The following ERGIC1 variants were observed in gnomAD, a reference collection of about 807,000 sequenced individuals.
ERGIC1 encodes the protein endoplasmic reticulum-golgi intermediate compartment 1, also known as endoplasmic reticulum-Golgi intermediate compartment protein 1.
In ERGIC1, 19 loss-of-function variants were observed where a neutral mutation model predicts 38.3. The observed-to-expected ratio is 0.50, with a 90% confidence interval of 0.35 to 0.73. The LOEUF (loss-of-function observed/expected upper bound fraction) is 0.73, where lower values mean the gene tolerates loss of function less well. Among genes scored for constraint, ERGIC1 ranks in the 30% least tolerant of loss-of-function variants. ERGIC1 has a pLI of 0.01. For synonymous variants in ERGIC1, 124 were observed against 157.6 expected (o/e 0.79, Z 1.60); for missense variants, 294 against 389.2 (o/e 0.76, Z 2.06).
At chr5:172,866,590 C>A (rs1761869110) in intron 1 of ERGIC1, among the ~76,000 whole-genome samples, 1 of 152,244 alleles carries the variant, frequency 6.6e-6, no homozygotes, top group South Asian at 2.1e-4. Context: ...CCTGTACTAA[C>A]ATGTGAACCC....
At chr5:172,911,542 T>C (rs933228613) in intron 4 of ERGIC1, among the ~76,000 whole-genome samples, 10 of 152,176 alleles carry the variant, frequency 6.6e-5, no homozygotes, top group Non-Finnish European at 1.5e-4. Flanking sequence ...CCCAGCATTC[T>C]GGCTTTTCTT....
rs148365360 is a variant in ERGIC1, at chr5:172,919,635, G to T, written c.376-4370G>T. 3.8e-3 allele frequency among the ~76,000 whole-genome samples: 581 copies of T among 152,336 alleles called. 5 individuals carry two copies. Among genetic ancestry groups the T allele is most frequent in the African/African-American group, 0.013 (531 of 41,578 alleles). On this transcript the variant is annotated intron_variant, in intron 5 of 9. Transcript: ENST00000393784. ...GCAGTTTAGCTTCTCTGAGCCTCAG[G>T]TTCCTCATCTGTAGAATGGGGATAA...
At chr5:172,893,947 A>G (rs1474426079) in intron 2 of ERGIC1, among the ~76,000 whole-genome samples, 24 of 59,924 alleles carry the variant, frequency 4.0e-4, no homozygotes, top group Non-Finnish European at 7.1e-4. Context: ...ATATATATAT[A>G]TATATATTTA....
chr5:172,890,661 G>GTGAGCTGAAATTT (rs1246471529), intron 2 of ERGIC1, among the ~76,000 whole-genome samples: 1 of 152,148 alleles, frequency 6.6e-6, no homozygotes, highest in Non-Finnish European at 1.5e-5. Flanking sequence ...GCTGAGAGAG[G>GTGAGCTGAAATTT]TGAGCTGAAA....
At chr5:172,929,132 T>C (rs1027297728) in intron 7 of ERGIC1, among the ~76,000 whole-genome samples, 1 of 149,010 alleles carries the variant, frequency 6.7e-6, no homozygotes, top group Non-Finnish European at 1.5e-5. Context: ...ATACACATAA[T>C]ATGGGCTGTC....
In ERGIC1 at chr5:172,920,406, G is replaced by A. The variant is rs1219322236; in HGVS notation, c.376-3599G>A. ...AGATGTCAGAGTTTGCGTGTTTTGA[G>A]CAGCAGCGGCAGCCTCACCAGAGAC... On this transcript the variant is annotated intron_variant, in intron 5 of 9. Transcript: ENST00000393784. 4 of 717,660 alleles carry A rather than the reference G, an allele frequency of 5.6e-6. No individual in the cohort carries two copies. In the Admixed American group the frequency reaches 8.0e-5, roughly 14 times the overall value. 44.5% of individuals were successfully genotyped at this position (717,660 alleles called of 1,614,324 possible).
At chr5:172,886,073 A>G (rs1251765971) in intron 1 of ERGIC1, among the ~76,000 whole-genome samples, 1 of 147,088 alleles carries the variant, frequency 6.8e-6, no homozygotes, top group African/African-American at 2.5e-5. Flanking sequence ...CCCCACCCCT[A>G]CCTCCCAAAT....
rs199581416 is a variant in ERGIC1 at position 172,882,000 on chromosome 5, T to TTCCTGGTC, written c.21-6697_21-6690dup. Among the ~76,000 whole-genome samples the TTCCTGGTC allele has an allele frequency of 7.5e-3, 1,144 of 152,338 alleles. 13 individuals carry two copies. The highest frequency in any genetic ancestry group is 0.026 in the African/African-American group (1,094 of 41,560). ...ATGTCAGCCAGGGAGGACGGCTCAC[T>TTCCTGGTC]TCCTGGTCTGTCACATGCCTGGGGT... On this transcript the variant is annotated intron_variant, in intron 1 of 9. Coordinates refer to ENST00000393784, the MANE Select transcript of ERGIC1 (RefSeq NM_001031711.3).
At chr5:172,949,655 C>CCG (rs748161981) in intron 9 of ERGIC1, among the ~76,000 whole-genome samples, 1 of 142,498 alleles carries the variant, frequency 7.0e-6, no homozygotes, top group African/African-American at 2.6e-5. Context: ...CACAGCGTGG[C>CCG]GGGGGGGGGT....
intron 9 of ERGIC1, among the ~76,000 whole-genome samples, chr5:172,944,673 T>TA (rs979968101): frequency 1.3e-5 from 2 of 152,184 alleles, no homozygotes; most frequent in African/African-American, 4.8e-5. Context: ...TTCCCATTTT[T>TA]AAAAGCCAGA....
chr5:172,881,034 A>G (rs1762269172), intron 1 of ERGIC1, among the ~76,000 whole-genome samples: 1 of 152,176 alleles, frequency 6.6e-6, no homozygotes. Context: ...AGATCACCTG[A>G]GGTTGGGAGT....
At chr5:172,893,722 T>G (rs951396013) in intron 2 of ERGIC1, among the ~76,000 whole-genome samples, 1 of 151,174 alleles carries the variant, frequency 6.6e-6, no homozygotes, top group Non-Finnish European at 1.5e-5. Flanking sequence ...AGAAAACAAT[T>G]TGAAATTTAT....
intron 2 of ERGIC1, among the ~76,000 whole-genome samples, chr5:172,891,509 G>C (rs1762558949): frequency 6.6e-6 from 1 of 151,832 alleles, no homozygotes; most frequent in African/African-American, 2.4e-5. Context: ...TGGGATCTCG[G>C]TTCACTGCAA....
Position 172,926,628 on chromosome 5 carries a change from G to A in ERGIC1, c.541+59G>A, listed in dbSNP as rs1451034564. 1.9e-6 allele frequency: 3 copies of A among 1,591,392 alleles called. No individual in the cohort carries two copies. Among genetic ancestry groups the A allele is most frequent in the East Asian group, 2.2e-5 (1 of 44,804 alleles). Reference sequence around the variant, plus strand: ...CAAGATGCCCAGTACAGCAGGCAGGGAGGGGGAGGGCAGAGAGGTGGGGGT... The same window carrying A: ...CAAGATGCCCAGTACAGCAGGCAGGAAGGGGGAGGGCAGAGAGGTGGGGGT... On this transcript the variant is annotated intron_variant, in intron 7 of 9. Coordinates refer to ENST00000393784, the MANE Select transcript of ERGIC1 (RefSeq NM_001031711.3). This position sits in a 1 kb window ranked among gnomAD's most constrained non-coding sequence, Gnocchi z 5.2.
At chr5:172,897,628 C>T (rs1358644845) in intron 3 of ERGIC1, among the ~76,000 whole-genome samples, 2 of 152,176 alleles carry the variant, frequency 1.3e-5, no homozygotes, top group Non-Finnish European at 1.5e-5. Context: ...TTCTCCTGGG[C>T]TCAAAGATGA....
chr5:172,876,784 G>A (rs747768389), intron 1 of ERGIC1, among the ~76,000 whole-genome samples: 1 of 152,054 alleles, frequency 6.6e-6, no homozygotes, highest in African/African-American at 2.4e-5. Context: ...TAGATTAGTT[G>A]GCATGTTCTA....
At position 172,926,212 on chromosome 5, in the gene ERGIC1, T is replaced by C. The variant is rs1219463828; in HGVS notation, c.481-297T>C. On this transcript the variant is annotated intron_variant, in intron 6 of 9. Coordinates refer to ENST00000393784, the MANE Select transcript of ERGIC1 (RefSeq NM_001031711.3). This position sits in a 1 kb window ranked among gnomAD's most constrained non-coding sequence, Gnocchi z 5.2. ...CAAGTTTTGGTGTCTTTCCAAGCCTTGATTTGCTCTTCTGTAAAATGGGCC... is the reference window on the plus strand; with the variant it reads ...CAAGTTTTGGTGTCTTTCCAAGCCTCGATTTGCTCTTCTGTAAAATGGGCC... 6.6e-6 allele frequency among the ~76,000 whole-genome samples: 1 copy of C among 152,200 alleles called. No individual in the cohort carries two copies. The highest frequency in any genetic ancestry group is 6.5e-5 in the Admixed American group (1 of 15,290).
At chr5:172,915,162 C>A in intron 5 of ERGIC1, 1 of 648,006 alleles carries the variant, frequency 1.5e-6, no homozygotes, top group South Asian at 1.7e-5. Context: ...TTGGCCCCTA[C>A]AAGTCACTTG....
chr5:172,906,568 AC>A (rs1221134021), intron 3 of ERGIC1, among the ~76,000 whole-genome samples: 1 of 152,100 alleles, frequency 6.6e-6, no homozygotes, highest in Non-Finnish European at 1.5e-5. Flanking sequence ...ACAGCATCAC[AC>A]CGGGTGCTAG....
Sources: allele counts gnomAD v4.1 joint callset (sites outside exome capture counted in the v4.1 genomes callset), GRCh38; gene constraint gnomAD v4.1.1; non-coding constraint Gnocchi (gnomAD v3.1); transcripts MANE v1.5; gene names NCBI Gene and HGNC (gene_info 2026-07-23, HGNC 2026-07-21).